ZNF648: variants seen among roughly 807,000 people sequenced by gnomAD.
The protein encoded by ZNF648 is zinc finger protein 648.
A neutral mutation model predicts 0.3 loss-of-function variants in ZNF648; 1 was observed. The ratio of observed to expected loss-of-function variants is 3.90; its 90% CI spans 1.39 to 18.51. ZNF648 has a LOEUF of 18.51. Ranked by LOEUF, ZNF648 falls within the 30% of genes most tolerant of loss-of-function variation. ZNF648 has a pLI of 0.11. For synonymous variants in ZNF648, 376 were observed against 326.8 expected, an observed-to-expected ratio of 1.15 and a Z score of -1.62; for missense variants, 874 against 769.7, an observed-to-expected ratio of 1.14 and a Z score of -1.60.
At position 182,057,950 on chromosome 1, in the gene ZNF648, C is replaced by G; in HGVS notation, c.61G>C (p.Glu21Gln). 6.2e-7 allele frequency: 1 copy of G among 1,614,040 alleles called. No individual in the cohort carries two copies. Among genetic ancestry groups the G allele is most frequent in the Non-Finnish European group, 8.5e-7 (1 of 1,179,992 alleles). ...GEASPLSSLT[E>Q]EAHDTQMLSM... ...AGCATCTGGGTGTCATGAGCTTCCT[C>G]AGTCAAGCTGCTGAGAGGAGACGCC... Residue 21 changes from glutamate to glutamine, a missense_variant, in exon 2 of 2, where the codon GAG becomes CAG. Glu to Gln is a conservative substitution (Grantham distance 29, BLOSUM62 2). Coordinates refer to ENST00000339948, the MANE Select transcript of ZNF648 (RefSeq NM_001009992.1).
chr1:182,067,976 T>G, the ZNF648 span, among the ~76,000 whole-genome samples: 1 of 152,250 alleles, frequency 6.6e-6, no homozygotes, highest in African/African-American at 2.4e-5. Context: ...ATGAGACTTC[T>G]GGGAATCTTC....
chr1:182,069,278 C>T, the ZNF648 span: 1 of 152,206 alleles, frequency 6.6e-6, no homozygotes, highest in African/African-American at 2.4e-5. Context: ...AGGCCCCCAT[C>T]AAAACCACAC....
intron 1 of ZNF648, 42 bp from the exon 2 acceptor site, chr1:182,058,115 A>C: frequency 7.2e-7 from 1 of 1,382,292 alleles, no homozygotes; most frequent in Non-Finnish European, 9.8e-7. Context: ...CAAAGAATGT[A>C]CTTAATCACT....
upstream of ZNF648, among the ~76,000 whole-genome samples, chr1:182,065,370 C>CA (rs1412080256): frequency 2.0e-5 from 3 of 152,232 alleles, no homozygotes; most frequent in African/African-American, 7.2e-5. Flanking sequence ...TCTTCTCCCT[C>CA]AGCCTTGCTG....
chr1:182,067,705 C>T, the ZNF648 span, among the ~76,000 whole-genome samples: 1 of 152,212 alleles, frequency 6.6e-6, no homozygotes, highest in African/African-American at 2.4e-5. Context: ...GCCAGATGAC[C>T]CTGGAAGCCT....
In ZNF648 at chr1:182,056,463, G is replaced by A. The variant is rs1257097271; in HGVS notation, c.1548C>T (p.Ala516=). 6.2e-7 allele frequency: 1 copy of A among 1,614,004 alleles called. No homozygotes were observed. Among genetic ancestry groups the A allele is most frequent in the Non-Finnish European group, 8.5e-7 (1 of 1,179,958 alleles). ...TTCGTATGTGCTGGGCCAACTCAGA[G>A]GCAATGCGGAAGGCCCTGCCGCACT... ...CAECGRAFRI[A]SELAQHIRMH... The change falls in exon 2 of 2, where the codon GCC becomes GCT. Residue 516 remains alanine (A), a synonymous_variant. Transcript: ENST00000339948.
In ZNF648 at chr1:182,057,357, G is replaced by C. The variant is rs1665947369; in HGVS notation, c.654C>G (p.Ser218Arg). ...TPAQASATPA[S>R]LAAAVLAKAR... ...CTTTTGCCAGGACCGCGGCAGCCAGGCTGGCTGGGGTGGCCGACGCCTGGG... is the reference window on the plus strand; with the variant it reads ...CTTTTGCCAGGACCGCGGCAGCCAGCCTGGCTGGGGTGGCCGACGCCTGGG... The change falls in exon 2 of 2, where the codon AGC (serine) becomes AGG (arginine). Residue 218 changes from serine (S) to arginine (R), a missense_variant. Ser to Arg is a moderately radical substitution (Grantham distance 110). Transcript: ENST00000339948. 2 of 1,611,408 alleles carry C rather than the reference G, an allele frequency of 1.2e-6. No homozygotes were observed. Among genetic ancestry groups the C allele is most frequent in the Non-Finnish European group, 1.7e-6 (2 of 1,179,856 alleles).
In ZNF648 at chr1:182,057,185, C is replaced by T. The variant is rs1284553015; in HGVS notation, c.826G>A (p.Ala276Thr). Reference protein sequence around the residue: ...LSPAETRGGAAKRYACELCGK... With the variant: ...LSPAETRGGATKRYACELCGK... ...CATAGCTCGCACGCGTAGCGCTTGG[C>T]GGCGCCGCCGCGCGTCTCCGCGGGG... Residue 276 changes from alanine to threonine, a missense_variant, in exon 2 of 2, where the codon GCC becomes ACC. Physicochemically the swap from Ala to Thr is moderately conservative, Grantham distance 58 (BLOSUM62 0). Coordinates refer to ENST00000339948, the MANE Select transcript of ZNF648 (RefSeq NM_001009992.1). 6.3e-7 allele frequency: 1 copy of T among 1,579,656 alleles called. No homozygotes were observed. The highest frequency in any genetic ancestry group is 2.3e-5 in the East Asian group (1 of 43,770).
At chr1:182,069,206 T>G in the ZNF648 span, 8 of 152,096 alleles carry the variant, frequency 5.3e-5, no homozygotes, top group African/African-American at 1.9e-4. Context: ...CTGGCTCCGC[T>G]GTCCTCCCAG....
At position 182,056,713 on chromosome 1, in the gene ZNF648, G is replaced by C. The variant is rs1285972760; in HGVS notation, c.1298C>G (p.Ser433Cys). 6.3e-7 allele frequency: 1 copy of C among 1,593,814 alleles called. No individual in the cohort carries two copies. Among genetic ancestry groups the C allele is most frequent in the Middle Eastern group, 1.7e-4 (1 of 6,030 alleles). Residue 433 changes from serine (S) to cysteine (C), a missense_variant, in exon 2 of 2, where the codon TCC becomes TGC. Physicochemically the swap from Ser to Cys is moderately radical, Grantham distance 112. Transcript: ENST00000339948. ...CAGCGTCTGGTGCTCGGACAGATTG[G>C]AGGACTTGGTGAAGCACTTGCCGCA... ...PTCGKCFTKS[S>C]NLSEHQTLHT...
intron 1 of ZNF648, 119 bp from the exon 2 acceptor site, chr1:182,058,192 AT>A: frequency 1.4e-6 from 1 of 702,742 alleles, no homozygotes; most frequent in Non-Finnish European, 2.3e-6. Context: ...TGTCAGGCAT[AT>A]TGTTGAGCCT....
At chr1:182,061,408 A>G (rs772803299) in intron 1 of ZNF648, among the ~76,000 whole-genome samples, 160 bp downstream of exon 1, 6 of 152,152 alleles carry the variant, frequency 3.9e-5, no homozygotes, top group African/African-American at 4.8e-5. Flanking sequence ...AGCCTACCCT[A>G]AGGGCTTGTT....
rs146081397 is a variant in ZNF648 at position 182,057,461 on chromosome 1, C to T, written c.550G>A (p.Ala184Thr). 1.8e-3 allele frequency: 2,940 copies of T among 1,614,230 alleles called. 4 individuals carry two copies. Among genetic ancestry groups the T allele is most frequent in the Non-Finnish European group, 2.2e-3 (2,574 of 1,180,042 alleles). ...AAACACAACAGAGAAGAGTTCCCTGCGGACGTGTCTACACTTTTGTGCGCA... is the reference window on the plus strand; with the variant it reads ...AAACACAACAGAGAAGAGTTCCCTGTGGACGTGTCTACACTTTTGTGCGCA... ...LCAHKSVDTS[A>T]GNSSLLCFPR... Residue 184 changes from alanine (A) to threonine (T), a missense_variant, in exon 2 of 2, where the codon GCA (alanine) becomes ACA (threonine). Transcript: ENST00000339948.
Position 182,057,415 on chromosome 1 carries a change from C to G in ZNF648, c.596G>C (p.Trp199Ser). The change falls in exon 2 of 2, where the codon TGG becomes TCG. Residue 199 changes from tryptophan (W) to serine (S), a missense_variant. Trp to Ser is a radical substitution (Grantham distance 177). Transcript: ENST00000339948. ...ATGTGTCTCTTGCGTGGGAAGGTCC[C>G]AGTTGCTCCCCGGCCTGGGGAAACA... ...LLCFPRPGSN[W>S]DLPTQETHTP... 5.0e-6 allele frequency: 8 copies of G among 1,614,084 alleles called. No homozygotes were observed. Among genetic ancestry groups the G allele is most frequent in the Non-Finnish European group, 6.8e-6 (8 of 1,180,032 alleles).
chr1:182,059,509 G>A (rs932628718), intron 1 of ZNF648, among the ~76,000 whole-genome samples: 1 of 152,208 alleles, frequency 6.6e-6, no homozygotes, highest in East Asian at 1.9e-4. Context: ...AATCCCAGAG[G>A]GGGTATTAAA....
At chr1:182,060,984 T>C (rs1485370262) in intron 1 of ZNF648, among the ~76,000 whole-genome samples, 2 of 152,016 alleles carry the variant, frequency 1.3e-5, no homozygotes, top group Admixed American at 6.6e-5. Flanking sequence ...GGAGCCTCCT[T>C]AGGGTGGCAC....
Position 182,057,818 on chromosome 1 carries a change from T to C in ZNF648, c.193A>G (p.Asn65Asp). Residue 65 changes from asparagine (N) to aspartate (D), a missense_variant, in exon 2 of 2, where the codon AAT becomes GAT. Coordinates refer to ENST00000339948, the MANE Select transcript of ZNF648 (RefSeq NM_001009992.1). The part of the protein sequence containing the change: ...PRGSSPVTHE[N>D]PDLPWPHPLG... ...GGATGGGGCCATGGCAAGTCAGGAT[T>C]TTCGTGTGTTACTGGGGAGCTGCCC... 6.2e-7 allele frequency: 1 copy of C among 1,614,178 alleles called. No homozygotes were observed. Among genetic ancestry groups the C allele is most frequent in the Non-Finnish European group, 8.5e-7 (1 of 1,180,038 alleles).
rs1665917077 is a variant in ZNF648 at position 182,056,631 on chromosome 1, G to A, written c.1380C>T (p.Pro460=). Residue 460 remains proline (P), a synonymous_variant, in exon 2 of 2, where the codon CCC becomes CCT. Transcript: ENST00000339948. ...TGCGCTGGTGGCGCACGAGGCGCGA[G>A]GGCTGCGCGAAGGCCACGCCGCAGT... ...CADCGVAFAQ[P]SRLVRHQRIH... The A allele has an allele frequency of 1.2e-6, 2 of 1,611,380 alleles. No individual in the cohort carries two copies. The highest frequency in any genetic ancestry group is 1.7e-6 in the Non-Finnish European group (2 of 1,178,852).
intron 1 of ZNF648, among the ~76,000 whole-genome samples, chr1:182,061,007 T>C (rs891977224): frequency 6.6e-6 from 1 of 152,086 alleles, no homozygotes; most frequent in Admixed American, 6.5e-5. Flanking sequence ...AGCCCTCCAC[T>C]AGCTAACCAA....
Sources: allele counts gnomAD v4.1 joint callset (sites outside exome capture counted in the v4.1 genomes callset), GRCh38; gene constraint gnomAD v4.1.1; transcripts MANE v1.5; gene names NCBI Gene and HGNC (gene_info 2026-07-23, HGNC 2026-07-21).